Variants in MUC20 observed in about 807,000 individuals in gnomAD.
MUC20 encodes the protein mucin-20.
MUC20 carries 14 observed loss-of-function variants against 23.8 expected under a neutral mutation model. The ratio of observed to expected loss-of-function variants is 0.59; its 90% CI spans 0.39 to 0.92. MUC20 has a LOEUF of 0.92. Ranked by LOEUF, MUC20 falls within the 40% of genes least tolerant of loss-of-function variation. The pLI, the probability that MUC20 is intolerant of heterozygous loss-of-function variation, is 0.00. For synonymous variants in MUC20, 166 were observed against 279.3 expected, an observed-to-expected ratio of 0.59 and a Z score of 4.04; for missense variants, 375 against 668.8, an observed-to-expected ratio of 0.56 and a Z score of 4.85.
rs780163322 is a variant in MUC20 at position 195,725,916 on chromosome 3, G to C, written c.1313G>C (p.Gly438Ala). 1 of 1,612,798 alleles carries C rather than the reference G, an allele frequency of 6.2e-7. No homozygotes were observed. Among genetic ancestry groups the C allele is most frequent in the South Asian group, 1.1e-5 (1 of 90,926 alleles). ...EIETTTSSIP[G>A]ASDTDLIPTE... ...GAAACAACGACTTCCAGCATCCCTG[G>C]GGCCTCAGACACAGATCTCATCCCC... The change falls in exon 2 of 4, where the codon GGG becomes GCG. Residue 438 changes from glycine to alanine, a missense_variant. Physicochemically the swap from Gly to Ala is moderately conservative, Grantham distance 60 (BLOSUM62 0). Transcript: ENST00000447234.
At position 195,726,530 on chromosome 3, in the gene MUC20, C is replaced by T; in HGVS notation, c.1927C>T (p.Pro643Ser). 1.9e-6 allele frequency: 3 copies of T among 1,613,982 alleles called. No homozygotes were observed. In the South Asian group the frequency reaches 3.3e-5, roughly 18 times the overall value. ...CACGATGAAGCCCCCAACAGCCACGCCCACGACTGCCCGGACGAGGCCGAC... is the reference window on the plus strand; with the variant it reads ...CACGATGAAGCCCCCAACAGCCACGTCCACGACTGCCCGGACGAGGCCGAC... The part of the protein sequence containing the change: ...KTTMKPPTAT[P>S]TTARTRPTTD... The change falls in exon 2 of 4, where the codon CCC becomes TCC. Residue 643 changes from proline (P) to serine (S), a missense_variant. Coordinates refer to ENST00000447234, the MANE Select transcript of MUC20 (RefSeq NM_001282506.2).
intron 3 of MUC20, chr3:195,730,217 CCT>C (rs1366850182): frequency 6.2e-6 from 1 of 161,464 alleles, no homozygotes; most frequent in African/African-American, 2.4e-5. Context: ...TCTTTCTTTC[CCT>C]GTCTTAGCTT....
intron 2 of MUC20, 129 bp from the exon 3 acceptor site, chr3:195,729,518 GT>G: frequency 3.6e-6 from 3 of 832,986 alleles, no homozygotes; most frequent in Non-Finnish European, 5.7e-6. Flanking sequence ...ATTTCTCCAT[GT>G]TGGTCAGGCT....
At position 195,733,294 on chromosome 3, in the gene MUC20, G is replaced by T. The variant is rs1713592246; in HGVS notation, c.*76G>T. Reference sequence around the variant, plus strand: ...CCCCTAGCCTGGGCCCCCACCGACAGACTGCAGCTGCGTTACTGTGCTGAG... The same window carrying T: ...CCCCTAGCCTGGGCCCCCACCGACATACTGCAGCTGCGTTACTGTGCTGAG... On this transcript the variant is annotated 3_prime_UTR_variant, in exon 4 of 4. Transcript: ENST00000447234. 1.3e-5 allele frequency: 20 copies of T among 1,550,574 alleles called. No homozygotes were observed. The East Asian group carries it at 4.9e-4, about 38-fold the overall frequency.
chr3:195,728,845 G>A (rs551056084), intron 2 of MUC20, among the ~76,000 whole-genome samples: 3 of 152,256 alleles, frequency 2.0e-5, no homozygotes, highest in African/African-American at 4.8e-5. Context: ...AGAGAATGGC[G>A]ATGACTTCTA....
intron 2 of MUC20, among the ~76,000 whole-genome samples, chr3:195,729,017 C>T (rs958517262): frequency 9.2e-5 from 14 of 152,272 alleles, no homozygotes; most frequent in Non-Finnish European, 1.9e-4. Flanking sequence ...AAGTACAGGT[C>T]TTTTTCAAAA....
chr3:195,731,404 C>T (rs1713373897), intron 3 of MUC20, among the ~76,000 whole-genome samples: 1 of 152,354 alleles, frequency 6.6e-6, no homozygotes, highest in South Asian at 2.1e-4. Flanking sequence ...GAGTGGGATC[C>T]TTTGTTGCAG....
At position 195,726,496 on chromosome 3, in the gene MUC20, A is replaced by AGCGAAGACCACG. The variant is rs1712689699; in HGVS notation, c.1894_1905dup (p.Ala632_Thr635dup). 1 of 1,613,934 alleles carries AGCGAAGACCACG rather than the reference A, an allele frequency of 6.2e-7. No homozygotes were observed. Among genetic ancestry groups the AGCGAAGACCACG allele is most frequent in the Non-Finnish European group, 8.5e-7 (1 of 1,179,890 alleles). On this transcript the variant is annotated inframe_insertion, in exon 2 of 4. Transcript: ENST00000447234. Reference sequence around the variant, plus strand: ...GCACCTTAGCCAAGATCACAACCTCAGCGAAGACCACGATGAAGCCCCCAA... The same window carrying AGCGAAGACCACG: ...GCACCTTAGCCAAGATCACAACCTCAGCGAAGACCACGGCGAAGACCACGATGAAGCCCCCAA...
At chr3:195,730,350 T>C (rs887968724) in intron 3 of MUC20, among the ~76,000 whole-genome samples, 6 of 152,252 alleles carry the variant, frequency 3.9e-5, no homozygotes, top group African/African-American at 1.4e-4. Flanking sequence ...TTTCTTTCTT[T>C]CTTTTTGTTT....
At chr3:195,727,407 C>T (rs561861021) in intron 2 of MUC20, among the ~76,000 whole-genome samples, 11 of 152,350 alleles carry the variant, frequency 7.2e-5, no homozygotes, top group East Asian at 1.9e-4. Flanking sequence ...GCAAATACAG[C>T]GAAGGCTTGG....
In MUC20 at chr3:195,726,535, G is replaced by A. The variant is rs3210209; in HGVS notation, c.1932G>A (p.Thr644=). The part of the protein sequence containing the change: ...TTMKPPTATP[T]TARTRPTTDV... Reference sequence around the variant, plus strand: ...TGAAGCCCCCAACAGCCACGCCCACGACTGCCCGGACGAGGCCGACCACAG... The same window carrying A: ...TGAAGCCCCCAACAGCCACGCCCACAACTGCCCGGACGAGGCCGACCACAG... The change falls in exon 2 of 4, where the codon ACG becomes ACA. Residue 644 remains threonine (T), a synonymous_variant. Transcript: ENST00000447234. 1.1e-5 allele frequency: 17 copies of A among 1,584,478 alleles called. No individual in the cohort carries two copies. Among genetic ancestry groups the A allele is most frequent in the East Asian group, 2.2e-5 (1 of 44,520 alleles).
chr3:195,727,832 G>A (rs1285716761), intron 2 of MUC20, among the ~76,000 whole-genome samples: 2 of 140,892 alleles, frequency 1.4e-5, no homozygotes, highest in Non-Finnish European at 2.9e-5. Flanking sequence ...TGTGCCACCG[G>A]CTTTGCATAT....
intron 3 of MUC20, among the ~76,000 whole-genome samples, chr3:195,731,465 C>T (rs954886074): frequency 3.8e-4 from 58 of 152,340 alleles, no homozygotes; most frequent in African/African-American, 1.1e-3. Context: ...TTGTTGGCAG[C>T]GTCCCAGAGT....
chr3:195,732,315 G>C (rs1293352659), intron 3 of MUC20, among the ~76,000 whole-genome samples: 1 of 152,008 alleles, frequency 6.6e-6, no homozygotes, highest in Non-Finnish European at 1.5e-5. Context: ...CGGCTGGGAA[G>C]CCAGTTTTCT....
intron 2 of MUC20, among the ~76,000 whole-genome samples, chr3:195,727,295 G>A (rs1175550906): frequency 1.3e-5 from 2 of 152,292 alleles, no homozygotes; most frequent in African/African-American, 4.8e-5. Context: ...AGCTACTTGG[G>A]AGACTGAGGC....
Position 195,730,583 on chromosome 3 carries a change from C to T in MUC20, c.2061+844C>T, listed in dbSNP as rs1303794067. ...GCCAGAATAGTCTCAATCTCCTGAC[C>T]TCGTGATCCACCCGTCTTGGCCTCC... On this transcript the variant is annotated intron_variant, in intron 3 of 3. Coordinates refer to ENST00000447234, the MANE Select transcript of MUC20 (RefSeq NM_001282506.2). Among the ~76,000 whole-genome samples the T allele has an allele frequency of 2.0e-5, 3 of 152,234 alleles. No homozygotes were observed. The East Asian group carries it at 5.8e-4, about 29-fold the overall frequency.
At chr3:195,731,975 C>CTTTTGTTTTGTTTTGTTTTGTTTTG (rs57899187) in intron 3 of MUC20, among the ~76,000 whole-genome samples, 396 of 151,174 alleles carry the variant, frequency 2.6e-3, no homozygotes, top group African/African-American at 9.0e-3. Flanking sequence ...AAGCCAATTG[C>CTTTTGTTTTGTTTTGTTTTGTTTTG]TTTTGTTTTG....
At chr3:195,730,310 A>G (rs1249144850) in intron 3 of MUC20, among the ~76,000 whole-genome samples, 1 of 152,230 alleles carries the variant, frequency 6.6e-6, no homozygotes, top group Non-Finnish European at 1.5e-5. Flanking sequence ...AGGGACTTCC[A>G]TCTCCCCACA....
Position 195,725,961 on chromosome 3 carries a change from C to T in MUC20, c.1358C>T (p.Ser453Leu), listed in dbSNP as rs369043659. 5.0e-6 allele frequency: 8 copies of T among 1,613,760 alleles called. No homozygotes were observed. The African/African-American group carries it at 6.7e-5, about 13-fold the overall frequency. ...ATCCCCACGGAAGGGGTGAAGGCCT[C>T]GTCCACCTCCGATCCACCAGCTCTG... ...DLIPTEGVKA[S>L]STSDPPALPD... The change falls in exon 2 of 4, where the codon TCG becomes TTG. Residue 453 changes from serine to leucine, a missense_variant. Coordinates refer to ENST00000447234, the MANE Select transcript of MUC20 (RefSeq NM_001282506.2).
Sources: gnomAD v4.1 joint callset for allele counts (sites outside exome capture counted in the v4.1 genomes callset) on GRCh38, gnomAD v4.1.1 for gene constraint, MANE v1.5 for transcripts, NCBI Gene and HGNC (gene_info 2026-07-23, HGNC 2026-07-21) for gene names.